Variants in ATP9B observed in about 807,000 individuals in gnomAD.
The protein encoded by ATP9B is probable phospholipid-transporting ATPase IIB.
ATP9B carries 110 observed loss-of-function variants against 146.1 expected under a neutral mutation model. The ratio of observed to expected loss-of-function variants is 0.75; its 90% CI spans 0.65 to 0.88. ATP9B has a LOEUF of 0.88. ATP9B is among the 40% of genes least tolerant of loss of function. The pLI, the probability that ATP9B is intolerant of heterozygous loss-of-function variation, is 0.00. For synonymous variants in ATP9B, 604 were observed against 569.7 expected, an observed-to-expected ratio of 1.06 and a Z score of -0.86; for missense variants, 1,499 against 1,496.4, an observed-to-expected ratio of 1.00 and a Z score of -0.03.
chr18:79,296,623 C>T (rs920922929), intron 13 of ATP9B, among the ~76,000 whole-genome samples: 3 of 152,164 alleles, frequency 2.0e-5, no homozygotes, highest in Non-Finnish European at 4.4e-5. Flanking sequence ...ATATTTTCAT[C>T]CAGGGCAGAA....
chr18:79,314,039 G>A lies in ATP9B; in HGVS notation c.1773+6805G>A, dbSNP rs563641100. On this transcript the variant is annotated intron_variant, in intron 15 of 29. Coordinates refer to ENST00000426216, the MANE Select transcript of ATP9B (RefSeq NM_198531.5). ...ATAGTAGTGTTTCCCGATCACCAAA[G>A]TACCGTTTTAAAAGCATTTTTTATC... Among the ~76,000 whole-genome samples, 29 of 152,300 alleles carry A rather than the reference G, an allele frequency of 1.9e-4. No homozygotes were observed. The East Asian group carries it at 5.2e-3, about 27-fold the overall frequency.
chr18:79,231,597 A>C (rs573042397), intron 11 of ATP9B, among the ~76,000 whole-genome samples: 1 of 152,042 alleles, frequency 6.6e-6, no homozygotes, highest in African/African-American at 2.4e-5. Flanking sequence ...TAAAGAACTA[A>C]AAGTAGAACT....
chr18:79,323,007 C>T (rs1259730225), intron 15 of ATP9B, among the ~76,000 whole-genome samples: 1 of 152,198 alleles, frequency 6.6e-6, no homozygotes, highest in Admixed American at 6.5e-5. Flanking sequence ...TTATGGGGTA[C>T]ATGTGATATT....
chr18:79,195,598 T>A (rs1398440053), intron 9 of ATP9B, among the ~76,000 whole-genome samples: 2 of 152,122 alleles, frequency 1.3e-5, no homozygotes, highest in Non-Finnish European at 2.9e-5. Context: ...AATCAGACAT[T>A]TAAAAACACA....
intron 11 of ATP9B, among the ~76,000 whole-genome samples, chr18:79,240,543 C>A (rs1245318770): frequency 2.0e-5 from 3 of 152,132 alleles, no homozygotes; most frequent in African/African-American, 7.2e-5. Flanking sequence ...GGCAGGAGTT[C>A]GAGACCAGTC....
chr18:79,070,066 G>A (rs898599576), intron 1 of ATP9B, among the ~76,000 whole-genome samples: 1 of 152,156 alleles, frequency 6.6e-6, no homozygotes, highest in Non-Finnish European at 1.5e-5. Flanking sequence ...TTTTACGAAA[G>A]GGAAATGGGG....
At chr18:79,118,368 C>T (rs1461269884) in intron 4 of ATP9B, among the ~76,000 whole-genome samples, 1 of 130,988 alleles carries the variant, frequency 7.6e-6, no homozygotes, top group Non-Finnish European at 1.6e-5. Flanking sequence ...CATTTTAAAA[C>T]ACAATCATAT....
intron 7 of ATP9B, among the ~76,000 whole-genome samples, chr18:79,157,927 T>G (rs558658283): frequency 6.6e-6 from 1 of 152,330 alleles, no homozygotes; most frequent in African/African-American, 2.4e-5. Context: ...CTTAAAGGTT[T>G]GTCAATCTTG....
chr18:79,143,695 G>A (rs984279268), intron 5 of ATP9B, 107 bp from the exon 6 acceptor site: 3 of 666,630 alleles, frequency 4.5e-6, no homozygotes, highest in Non-Finnish European at 7.2e-6. Flanking sequence ...AATTTCTAAA[G>A]TTTTTTTTTC....
At chr18:79,231,322 A>G (rs1485766265) in intron 11 of ATP9B, among the ~76,000 whole-genome samples, 1 of 152,210 alleles carries the variant, frequency 6.6e-6, no homozygotes, top group African/African-American at 2.4e-5. Flanking sequence ...GTCCCATGAA[A>G]AAGTGGGCTA....
chr18:79,376,245 T>G (rs1389866487), intron 29 of ATP9B: 1 of 965,114 alleles, frequency 1.0e-6, no homozygotes. Flanking sequence ...CTAGCCTAGA[T>G]CGTCCAAACA....
intron 15 of ATP9B, among the ~76,000 whole-genome samples, chr18:79,317,177 A>G (rs1444053317): frequency 6.6e-6 from 1 of 152,228 alleles, no homozygotes; most frequent in Non-Finnish European, 1.5e-5. Context: ...CATATACTGT[A>G]AGAACTTTTC....
At position 79,126,340 on chromosome 18, in the gene ATP9B, T is replaced by C. The variant is rs2094286557; in HGVS notation, c.632T>C (p.Val211Ala). 1 of 1,612,192 alleles carries C rather than the reference T, an allele frequency of 6.2e-7. No individual in the cohort carries two copies. The highest frequency in any genetic ancestry group is 2.2e-5 in the East Asian group (1 of 44,728). ...EFRRFQRDKE[V>A]NSQLYSKLTV... ...CGGCGTTTTCAGCGTGACAAGGAAG[T>C]GAATTCACAACTATATAGCAAGCTT... Residue 211 changes from valine (V) to alanine (A), a missense_variant, in exon 5 of 30, where the codon GTG becomes GCG. Coordinates refer to ENST00000426216, the MANE Select transcript of ATP9B (RefSeq NM_198531.5).
intron 7 of ATP9B, among the ~76,000 whole-genome samples, chr18:79,171,654 T>C (rs2095072803): frequency 6.6e-6 from 1 of 152,076 alleles, no homozygotes; most frequent in Non-Finnish European, 1.5e-5. Flanking sequence ...GGCTGTGTTA[T>C]TTCATCTTGA....
At chr18:79,304,093 C>T (rs911483665) in intron 14 of ATP9B, among the ~76,000 whole-genome samples, 5 of 151,522 alleles carry the variant, frequency 3.3e-5, no homozygotes, top group African/African-American at 1.2e-4. Context: ...AAGGTAAATT[C>T]TTTTTTTGCC....
chr18:79,148,759 A>G (rs2094633816), intron 6 of ATP9B, among the ~76,000 whole-genome samples: 1 of 152,202 alleles, frequency 6.6e-6, no homozygotes. Flanking sequence ...AAATGTCTCA[A>G]TTTGCAGATG....
chr18:79,312,403 C>T (rs573939577), intron 15 of ATP9B, among the ~76,000 whole-genome samples: 1 of 152,362 alleles, frequency 6.6e-6, no homozygotes, highest in South Asian at 2.1e-4. Context: ...CATCCTGGCA[C>T]TCGCTCGTTT....
intron 7 of ATP9B, among the ~76,000 whole-genome samples, chr18:79,165,776 C>A (rs959742908): frequency 6.6e-6 from 1 of 152,094 alleles, no homozygotes; most frequent in Non-Finnish European, 1.5e-5. Flanking sequence ...GCAGCCCCAC[C>A]CAGGAGGGGC....
rs184318997 is a variant in ATP9B at position 79,101,127 on chromosome 18, A to T, written c.293+4478A>T. On this transcript the variant is annotated intron_variant, in intron 2 of 29. Coordinates refer to ENST00000426216, the MANE Select transcript of ATP9B (RefSeq NM_198531.5). Reference sequence around the variant, plus strand: ...CAGTGTGTGTGTGCAGTTCTCGGTGATTTCATCAGGTGTTGATTTTGTAAT... The same window carrying T: ...CAGTGTGTGTGTGCAGTTCTCGGTGTTTTCATCAGGTGTTGATTTTGTAAT... Among the ~76,000 whole-genome samples the T allele has an allele frequency of 2.8e-4, 42 of 150,204 alleles. No individual in the cohort carries two copies. The East Asian group carries it at 7.9e-3, about 28-fold the overall frequency.
Sources: allele counts gnomAD v4.1 joint callset (sites outside exome capture counted in the v4.1 genomes callset), GRCh38; gene constraint gnomAD v4.1.1; transcripts MANE v1.5; gene names NCBI Gene and HGNC (gene_info 2026-07-23, HGNC 2026-07-21).